Variants in DHRS7B observed in about 807,000 individuals in gnomAD.
DHRS7B encodes the protein dehydrogenase/reductase 7B, also known as peroxisomal reductase activating PPAR-gamma.
A neutral mutation model predicts 26.4 loss-of-function variants in DHRS7B; 24 were observed. The ratio of observed to expected loss-of-function variants is 0.91; its 90% confidence interval spans 0.66 to 1.28. The LOEUF (loss-of-function observed/expected upper bound fraction) is 1.28. Ranked by LOEUF, DHRS7B falls within the 50% of genes most tolerant of loss-of-function variation. DHRS7B has a pLI of 0.00. For missense variants in DHRS7B, 368 were observed against 419.4 expected, an observed-to-expected ratio of 0.88 and a Z score of 1.07; for synonymous variants, 142 against 166.4, an observed-to-expected ratio of 0.85 and a Z score of 1.13.
intron 1 of DHRS7B, among the ~76,000 whole-genome samples, chr17:21,146,453 C>T (rs973166216): frequency 1.3e-5 from 2 of 152,146 alleles, no homozygotes; most frequent in Non-Finnish European, 2.9e-5. Context: ...CTATTTAATC[C>T]TTTCTGCAGT....
chr17:21,190,891 C>T, intron 6 of DHRS7B, 57 bp from the exon 7 acceptor site: 1 of 1,592,534 alleles, frequency 6.3e-7, no homozygotes, highest in Admixed American at 1.7e-5. Context: ...AGCTCCACTC[C>T]TCAAGAGGGA....
Position 21,172,170 on chromosome 17 carries a change from C to T in DHRS7B, c.173C>T (p.Thr58Ile). The change falls in exon 2 of 7, where the codon ACA becomes ATA. Residue 58 changes from threonine (T) to isoleucine (I), a missense_variant. By Grantham distance (89) the Thr-to-Ile change is moderately conservative. Transcript: ENST00000395511. The part of the protein sequence containing the change: ...AYLRNAVVVI[T>I]GATSGLGKEC... ...CTGCGGAATGCTGTGGTGGTGATCA[C>T]AGGCGCCACCTCAGGGCTGGGCAAA... 1 of 1,613,392 alleles carries T rather than the reference C, an allele frequency of 6.2e-7. No homozygotes were observed. Among genetic ancestry groups the T allele is most frequent in the Non-Finnish European group, 8.5e-7 (1 of 1,179,698 alleles).
chr17:21,138,748 C>T (rs1241827603), intron 1 of DHRS7B, among the ~76,000 whole-genome samples: 1 of 151,820 alleles, frequency 6.6e-6, no homozygotes, highest in Admixed American at 6.6e-5. Flanking sequence ...CTTGTTCACC[C>T]TTTTTTAAAA....
chr17:21,160,386 T>C (rs1232113178), intron 1 of DHRS7B, among the ~76,000 whole-genome samples: 2 of 151,428 alleles, frequency 1.3e-5, no homozygotes, highest in Admixed American at 6.6e-5. Context: ...AAATTAAAAA[T>C]GAACAACACA....
At chr17:21,176,049 G>T (rs1974370559) in intron 2 of DHRS7B, among the ~76,000 whole-genome samples, 1 of 151,994 alleles carries the variant, frequency 6.6e-6, no homozygotes, top group Non-Finnish European at 1.5e-5. Context: ...CCAGGCTGGA[G>T]TACAGTGGTG....
chr17:21,178,493 C>T (rs561175467), intron 3 of DHRS7B, 151 bp downstream of exon 3: 64 of 640,418 alleles, frequency 1.0e-4, no homozygotes, highest in African/African-American at 6.4e-4. Flanking sequence ...CATAGCGAAC[C>T]GGGCCCACTG....
chr17:21,172,207 G>T lies in DHRS7B; in HGVS notation c.199+11G>T. 6.2e-7 allele frequency: 1 copy of T among 1,605,436 alleles called. No individual in the cohort carries two copies. The highest frequency in any genetic ancestry group is 8.5e-7 in the Non-Finnish European group (1 of 1,176,434). ...CAGGGCTGGGCAAAGGTGGGTCCTGGAGGCAGTGCTGCCAGGGGGCGGGGG... is the reference window on the plus strand; with the variant it reads ...CAGGGCTGGGCAAAGGTGGGTCCTGTAGGCAGTGCTGCCAGGGGGCGGGGG... On this transcript the variant is annotated intron_variant, in intron 2 of 6. Transcript: ENST00000395511.
intron 1 of DHRS7B, among the ~76,000 whole-genome samples, chr17:21,149,146 A>G (rs374936753): frequency 2.6e-5 from 4 of 152,166 alleles, no homozygotes; most frequent in African/African-American, 9.6e-5. Flanking sequence ...CATGGGAACC[A>G]TGATGCAAAA....
intron 1 of DHRS7B, among the ~76,000 whole-genome samples, chr17:21,139,003 G>C (rs1378611136): frequency 3.3e-5 from 5 of 152,146 alleles, no homozygotes; most frequent in South Asian, 2.1e-4. Flanking sequence ...TTGCAAAATT[G>C]TAACAGTGAA....
rs1250436839 is a variant in DHRS7B at position 21,188,860 on chromosome 17, G to GGA, written c.771_772dup (p.Val258GlufsTer31). ...CATCACCGCGGATGGATCTAGGTAT[G>GGA]GAGGTGAGGCCCGGTTTCTCTTTTC... On this transcript the variant is annotated frameshift_variant, in exon 6 of 7. Transcript: ENST00000395511. LOFTEE classifies it low-confidence loss of function (END_TRUNC). 1 of 1,614,092 alleles carries GGA rather than the reference G, an allele frequency of 6.2e-7. No individual in the cohort carries two copies. Among genetic ancestry groups the GGA allele is most frequent in the African/African-American group, 1.3e-5 (1 of 74,944 alleles).
intron 1 of DHRS7B, among the ~76,000 whole-genome samples, chr17:21,136,871 A>G (rs1394523829): frequency 2.0e-5 from 3 of 151,998 alleles, no homozygotes; most frequent in Non-Finnish European, 2.9e-5. Context: ...AAGTTTTTTA[A>G]TCTCAGTTTT....
intron 1 of DHRS7B, among the ~76,000 whole-genome samples, chr17:21,143,666 C>A (rs1481449829): frequency 6.6e-6 from 1 of 152,124 alleles, no homozygotes; most frequent in African/African-American, 2.4e-5. Context: ...TTTTAACCCA[C>A]GAGATTTACA....
chr17:21,174,369 G>A (rs1417940331), intron 2 of DHRS7B, among the ~76,000 whole-genome samples: 1 of 152,188 alleles, frequency 6.6e-6, no homozygotes, highest in Non-Finnish European at 1.5e-5. Context: ...GAACGTTCTG[G>A]ATATCTCCTT....
intron 1 of DHRS7B, among the ~76,000 whole-genome samples, chr17:21,161,124 G>C (rs1455397313): frequency 6.6e-6 from 1 of 152,176 alleles, no homozygotes; most frequent in Non-Finnish European, 1.5e-5. Flanking sequence ...TACAATGATA[G>C]ATATATGTCA....
intron 1 of DHRS7B, among the ~76,000 whole-genome samples, chr17:21,141,311 C>T (rs1299480797): frequency 3.3e-5 from 5 of 152,002 alleles, no homozygotes; most frequent in Non-Finnish European, 1.5e-5. Flanking sequence ...AACAGCAGTT[C>T]AATTTCTCAC....
intron 5 of DHRS7B, among the ~76,000 whole-genome samples, chr17:21,185,751 G>C (rs1386685107): frequency 6.6e-6 from 1 of 151,768 alleles, no homozygotes; most frequent in Non-Finnish European, 1.5e-5. Flanking sequence ...GCAGTAGTGC[G>C]ATCTCGGCTC....
intron 1 of DHRS7B, among the ~76,000 whole-genome samples, chr17:21,132,545 A>C (rs555151403): frequency 7.1e-4 from 105 of 147,502 alleles, no homozygotes; most frequent in African/African-American, 2.4e-3. Context: ...AAAAAAAAAA[A>C]AAAACAAAAA....
chr17:21,190,289 C>T (rs897479751), intron 6 of DHRS7B, among the ~76,000 whole-genome samples: 4 of 152,112 alleles, frequency 2.6e-5, no homozygotes, highest in Admixed American at 6.6e-5. Flanking sequence ...CATCAGTTGC[C>T]GTTAATCTAA....
intron 1 of DHRS7B, among the ~76,000 whole-genome samples, chr17:21,150,955 G>A (rs1973756241): frequency 6.6e-6 from 1 of 152,060 alleles, no homozygotes; most frequent in Admixed American, 6.5e-5. Flanking sequence ...GTATTATTTA[G>A]GCTACCACAA....
Sources: gnomAD v4.1 joint callset for allele counts (sites outside exome capture counted in the v4.1 genomes callset) on GRCh38, gnomAD v4.1.1 for gene constraint, MANE v1.5 for transcripts, NCBI Gene and HGNC (gene_info 2026-07-23, HGNC 2026-07-21) for gene names.